Variants in YEATS4 observed in about 807,000 individuals in gnomAD.
YEATS4 encodes the protein YEATS domain-containing protein 4.
A neutral mutation model predicts 30.1 loss-of-function variants in YEATS4; 17 were observed. That is an observed-to-expected ratio of 0.56 (90% CI 0.39 to 0.85). The LOEUF (loss-of-function observed/expected upper bound fraction) is 0.85. Among genes scored for constraint, YEATS4 ranks in the 40% least tolerant of loss-of-function variants. The pLI, the probability that YEATS4 is intolerant of heterozygous loss-of-function variation, is 0.00. For missense variants in YEATS4, 142 were observed against 268.3 expected (o/e 0.53, Z 3.29); for synonymous variants, 85 against 87.5 (o/e 0.97, Z 0.16).
At chr12:69,418,859 G>A in the YEATS4 span, among the ~76,000 whole-genome samples, 6 of 151,860 alleles carry the variant, frequency 4.0e-5, no homozygotes, top group Non-Finnish European at 1.5e-5. Flanking sequence ...TAAGGCAGGA[G>A]GATCGCTGGA....
intron 2 of YEATS4, chr12:69,364,284 T>A: frequency 8.9e-6 from 3 of 337,246 alleles, no homozygotes; most frequent in Admixed American, 3.9e-5. Flanking sequence ...AGACTCCATC[T>A]CTACAGAAAA....
chr12:69,370,353 C>T (rs1201472488), intron 4 of YEATS4, among the ~76,000 whole-genome samples: 1 of 152,166 alleles, frequency 6.6e-6, no homozygotes, highest in Non-Finnish European at 1.5e-5. Context: ...ATCTTCAAAG[C>T]AGTCACAATT....
chr12:69,422,452 A>C, the YEATS4 span, among the ~76,000 whole-genome samples: 56,616 of 151,414 alleles, frequency 0.37, 11,041 homozygotes, highest in East Asian at 0.57. Flanking sequence ...GCCAACATGG[A>C]AAAACCCTGT....
chr12:69,417,125 G>A, the YEATS4 span, among the ~76,000 whole-genome samples: 2 of 147,246 alleles, frequency 1.4e-5, no homozygotes, highest in Non-Finnish European at 3.0e-5. Flanking sequence ...AAATACTCAA[G>A]TTGGTCATGG....
intron 1 of YEATS4, among the ~76,000 whole-genome samples, chr12:69,362,334 G>GT (rs1875254820): frequency 7.3e-6 from 1 of 136,966 alleles, no homozygotes; most frequent in Non-Finnish European, 1.7e-5. Flanking sequence ...GATTAAACAC[G>GT]TAAGTAAAAA....
chr12:69,381,034 C>T (rs1876054712), intron 6 of YEATS4, among the ~76,000 whole-genome samples: 1 of 152,156 alleles, frequency 6.6e-6, no homozygotes, highest in Admixed American at 6.5e-5. Context: ...GTTTTGGGCA[C>T]ATATTGTCAT....
chr12:69,360,149 A>C, intron 1 of YEATS4, 126 bp downstream of exon 1: 1 of 1,097,804 alleles, frequency 9.1e-7, no homozygotes, highest in Non-Finnish European at 1.3e-6. Flanking sequence ...CCGTGGTTTC[A>C]GGTTGGAGAG....
chr12:69,387,672 A>G (rs1868268002), intron 6 of YEATS4, among the ~76,000 whole-genome samples: 1 of 152,244 alleles, frequency 6.6e-6, no homozygotes. Flanking sequence ...AGCAAGGTGC[A>G]AAACAATGTG....
In YEATS4 at chr12:69,359,919, C is replaced by G. The variant is rs1875115784; in HGVS notation, c.-54C>G. The G allele has an allele frequency of 6.2e-7, 1 of 1,605,226 alleles. No individual in the cohort carries two copies. Among genetic ancestry groups the G allele is most frequent in the Admixed American group, 1.7e-5 (1 of 59,458 alleles). On this transcript the variant is annotated 5_prime_UTR_variant, in exon 1 of 7. Transcript: ENST00000247843. ...CGCGGTCTCTGAGGGGAGCGGCGACCCCGCCAGCCCCGGTCTCTTTCCCTG... is the reference window on the plus strand; with the variant it reads ...CGCGGTCTCTGAGGGGAGCGGCGACGCCGCCAGCCCCGGTCTCTTTCCCTG...
chr12:69,416,628 G>A, the YEATS4 span, among the ~76,000 whole-genome samples: 3 of 152,194 alleles, frequency 2.0e-5, no homozygotes, highest in Non-Finnish European at 2.9e-5. Flanking sequence ...TCCCACGCCA[G>A]TAGGTAACCT....
At chr12:69,408,341 A>G in the YEATS4 span, among the ~76,000 whole-genome samples, 1 of 152,228 alleles carries the variant, frequency 6.6e-6, no homozygotes, top group African/African-American at 2.4e-5. Context: ...GAGTGAATTC[A>G]GTGTGGATGA....
rs186118951 is a variant in YEATS4 at position 69,359,950 on chromosome 12, G to C, written c.-23G>C. ...AGCCCCGGTCTCTTTCCCTGGCGGCGGCGGCTTCTTCCGTGGGACAATATG... is the reference window on the plus strand; with the variant it reads ...AGCCCCGGTCTCTTTCCCTGGCGGCCGCGGCTTCTTCCGTGGGACAATATG... On this transcript the variant is annotated 5_prime_UTR_variant, in exon 1 of 7. Coordinates refer to ENST00000247843, the MANE Select transcript of YEATS4 (RefSeq NM_006530.4). The C allele has an allele frequency of 1.4e-5, 22 of 1,611,746 alleles. No homozygotes were observed. In the African/African-American group the frequency reaches 2.7e-4, roughly 20 times the overall value.
the YEATS4 span, among the ~76,000 whole-genome samples, chr12:69,402,720 CTTTTCT>C: frequency 7.7e-6 from 1 of 130,684 alleles, no homozygotes. Context: ...TTCTTTCTTT[CTTTTCT>C]TTTTTTTTTT....
the YEATS4 span, among the ~76,000 whole-genome samples, chr12:69,409,104 T>C: frequency 5.9e-5 from 9 of 152,168 alleles, no homozygotes; most frequent in South Asian, 1.9e-3. Flanking sequence ...GGATTAACAG[T>C]GTAGGCTTTG....
intron 6 of YEATS4, among the ~76,000 whole-genome samples, chr12:69,373,352 T>C (rs924889561): frequency 6.6e-6 from 1 of 152,200 alleles, no homozygotes; most frequent in African/African-American, 2.4e-5. Flanking sequence ...TGAGATGACA[T>C]CTCATTGTAG....
the YEATS4 span, among the ~76,000 whole-genome samples, chr12:69,407,811 G>A: frequency 7.5e-6 from 1 of 132,764 alleles, no homozygotes; most frequent in Non-Finnish European, 1.5e-5. Flanking sequence ...CTGCCTCCCA[G>A]GTTCAAGCAA....
downstream of YEATS4, among the ~76,000 whole-genome samples, chr12:69,392,606 T>C (rs150170007): frequency 7.2e-4 from 109 of 152,342 alleles, 2 homozygotes; most frequent in Middle Eastern, 0.01. Flanking sequence ...ATAAGAAGAA[T>C]TAAAGAAACT....
At chr12:69,389,737 T>C (rs769616838) in intron 6 of YEATS4, among the ~76,000 whole-genome samples, 8 of 152,052 alleles carry the variant, frequency 5.3e-5, no homozygotes, top group Non-Finnish European at 8.8e-5. Flanking sequence ...GGTCTCGAAC[T>C]CCTGACCTCA....
At chr12:69,373,351 A>G (rs1024186640) in intron 6 of YEATS4, among the ~76,000 whole-genome samples, 6 of 152,138 alleles carry the variant, frequency 3.9e-5, no homozygotes, top group Admixed American at 1.3e-4. Context: ...ATGAGATGAC[A>G]TCTCATTGTA....
Sources: allele counts gnomAD v4.1 joint callset (sites outside exome capture counted in the v4.1 genomes callset), GRCh38; gene constraint gnomAD v4.1.1; transcripts MANE v1.5; gene names NCBI Gene and HGNC (gene_info 2026-07-23, HGNC 2026-07-21).